GORASP2: variants seen among roughly 807,000 people sequenced by gnomAD.
The protein encoded by GORASP2 is Golgi reassembly-stacking protein 2.
GORASP2 carries 22 observed loss-of-function variants against 45.7 expected under a neutral mutation model. That is an observed-to-expected ratio of 0.48 (90% CI 0.34 to 0.69). The LOEUF (loss-of-function observed/expected upper bound fraction) is 0.69, where lower values mean the gene tolerates loss of function less well. Ranked by LOEUF, GORASP2 falls within the 30% of genes least tolerant of loss-of-function variation. GORASP2 has a pLI of 0.01. For missense variants in GORASP2, 491 were observed against 562.7 expected, an observed-to-expected ratio of 0.87 and a Z score of 1.29; for synonymous variants, 221 against 215.6, an observed-to-expected ratio of 1.02 and a Z score of -0.22.
chr2:170,961,711 C>T lies in GORASP2; in HGVS notation c.872C>T (p.Thr291Ile). ...CCACCACAAGTAAACCAGTCCCTCA[C>T]TTCTGTGCCACCAATGAATCCAGCT... ...LLPPQVNQSL[T>I]SVPPMNPATT... The change falls in exon 8 of 10, where the codon ACT becomes ATT. Residue 291 changes from threonine to isoleucine, a missense_variant. By Grantham distance (89) the Thr-to-Ile change is moderately conservative (BLOSUM62 -1). Around this residue, in one of 2 missense-constraint regions of GORASP2, gnomAD observed 297 missense variants for 292.3 expected, o/e 1.02. Coordinates refer to ENST00000234160, the MANE Select transcript of GORASP2 (RefSeq NM_015530.5). 2 of 1,601,296 alleles carry T rather than the reference C, an allele frequency of 1.2e-6. No individual in the cohort carries two copies. The highest frequency in any genetic ancestry group is 1.7e-6 in the Non-Finnish European group (2 of 1,168,200).
In GORASP2 at chr2:170,950,266, T is replaced by C; in HGVS notation, c.411T>C (p.Ile137=). 6.4e-7 allele frequency: 1 copy of C among 1,563,818 alleles called. No individual in the cohort carries two copies. Among genetic ancestry groups the C allele is most frequent in the Non-Finnish European group, 8.7e-7 (1 of 1,145,974 alleles). The change falls in exon 4 of 10, where the codon ATT becomes ATC. Residue 137 remains isoleucine, a synonymous_variant. Transcript: ENST00000234160. ...TTAGACCACACAGTGATTATATAAT[T>C]GGAGCAGATACAGTCATGAATGAGG... ...AGLRPHSDYI[I]GADTVMNESE... is the part of the protein sequence containing the mutation.
Position 170,965,323 on chromosome 2 carries a change from C to T in GORASP2, c.1019-467C>T, listed in dbSNP as rs115042799. Among the ~76,000 whole-genome samples, 806 of 152,276 alleles carry T rather than the reference C, an allele frequency of 5.3e-3. 7 individuals carry two copies. Among genetic ancestry groups the T allele is most frequent in the African/African-American group, 0.018 (762 of 41,554 alleles). ...CTCCTGGTGAGGACAGTGGAAAGGG[C>T]GAGAATCCAGGCCCCTCCCTTCTGC... On this transcript the variant is annotated intron_variant, in intron 9 of 9. Coordinates refer to ENST00000234160, the MANE Select transcript of GORASP2 (RefSeq NM_015530.5).
In GORASP2 at chr2:170,965,722, CCCT is replaced by C. The variant is rs1366855380; in HGVS notation, c.1019-67_1019-65del. ...CTTAATGAAATGTAAATAAAAATAG[CCCT>C]TTGACAATGCCTGCTGTCCTTTCAG... On this transcript the variant is annotated intron_variant, in intron 9 of 9. Transcript: ENST00000234160. 2.9e-6 allele frequency: 3 copies of C among 1,034,548 alleles called. No homozygotes were observed. The African/African-American group carries it at 4.7e-5, about 16-fold the overall frequency. The allele number at this position is 1,034,548 out of a possible 1,614,324, so 64.1% of individuals were successfully genotyped here.
chr2:170,939,197 T>C (rs867376335), intron 1 of GORASP2, among the ~76,000 whole-genome samples: 1 of 152,256 alleles, frequency 6.6e-6, no homozygotes, highest in South Asian at 2.1e-4. Context: ...TCTGGAAAAC[T>C]ATTATGCAAT....
intron 7 of GORASP2, among the ~76,000 whole-genome samples, chr2:170,961,433 G>T (rs1017543161): frequency 2.0e-5 from 3 of 152,192 alleles, no homozygotes; most frequent in African/African-American, 7.2e-5. Flanking sequence ...GGACTGCACG[G>T]CCTCTTGCCC....
chr2:170,943,321 A>G (rs1704117650), intron 1 of GORASP2, among the ~76,000 whole-genome samples: 2 of 152,192 alleles, frequency 1.3e-5, no homozygotes, highest in Non-Finnish European at 2.9e-5. Flanking sequence ...AAGGTATTTA[A>G]TATGGTTGTA....
At chr2:170,951,572 C>A in intron 5 of GORASP2, 114 bp downstream of exon 5, 3 of 858,412 alleles carry the variant, frequency 3.5e-6, no homozygotes, top group African/African-American at 1.7e-5. Flanking sequence ...TAAGACTCCT[C>A]TTAAAAAAAA....
chr2:170,935,867 C>T (rs1230646473), intron 1 of GORASP2, among the ~76,000 whole-genome samples: 2 of 152,106 alleles, frequency 1.3e-5, no homozygotes, highest in Admixed American at 1.3e-4. Flanking sequence ...TGAGCCACTG[C>T]GCCCGGCCTG....
chr2:170,956,957 A>T (rs1375081614), intron 7 of GORASP2, among the ~76,000 whole-genome samples: 1 of 152,214 alleles, frequency 6.6e-6, no homozygotes, highest in Non-Finnish European at 1.5e-5. Flanking sequence ...AAAAGAATTT[A>T]AAAAATTAAT....
chr2:170,935,446 G>C (rs568273672), intron 1 of GORASP2, among the ~76,000 whole-genome samples: 130 of 151,994 alleles, frequency 8.6e-4, no homozygotes, highest in Non-Finnish European at 1.3e-3. Flanking sequence ...GTAGAGACAG[G>C]GTTTCACCTT....
intron 7 of GORASP2, among the ~76,000 whole-genome samples, chr2:170,957,268 G>A (rs1319070180): frequency 2.0e-5 from 3 of 152,034 alleles, no homozygotes; most frequent in Admixed American, 1.3e-4. Context: ...ACATGTGCCT[G>A]TCTCCTTCCT....
At chr2:170,954,378 TTC>T in intron 5 of GORASP2, 1 of 320,866 alleles carries the variant, frequency 3.1e-6, no homozygotes, top group Non-Finnish European at 5.7e-6. Context: ...TGGTGATGAA[TTC>T]TTGAAAAATA....
In GORASP2 at chr2:170,962,839, G is replaced by T. The variant is rs1230431316; in HGVS notation, c.911G>T (p.Gly304Val). ...TTTTTCTTTTCTGCCTTCTCTTCAG[G>T]TCTGATGCCTTTACCAGCAGGACTG... ...PPMNPATTLPGLMPLPAGLPN... is the reference protein window; with the variant it reads ...PPMNPATTLPVLMPLPAGLPN... Residue 304 changes from glycine to valine, a missense_variant and splice_region_variant, in exon 9 of 10, where the codon GGT becomes GTT. Physicochemically the swap from Gly to Val is moderately radical, Grantham distance 109 (BLOSUM62 -3). Around this residue, in one of 2 missense-constraint regions of GORASP2, gnomAD observed 297 missense variants for 292.3 expected, o/e 1.02. Coordinates refer to ENST00000234160, the MANE Select transcript of GORASP2 (RefSeq NM_015530.5). 2 of 1,604,964 alleles carry T rather than the reference G, an allele frequency of 1.2e-6. No homozygotes were observed. Among genetic ancestry groups the T allele is most frequent in the East Asian group, 2.2e-5 (1 of 44,842 alleles).
Position 170,939,331 on chromosome 2 carries a change from G to A in GORASP2, c.64-9019G>A, listed in dbSNP as rs141264828. Among the ~76,000 whole-genome samples the A allele has an allele frequency of 3.5e-3, 531 of 152,326 alleles. 7 individuals are homozygous for A. Among genetic ancestry groups the A allele is most frequent in the African/African-American group, 0.012 (496 of 41,572 alleles). On this transcript the variant is annotated intron_variant, in intron 1 of 9. Coordinates refer to ENST00000234160, the MANE Select transcript of GORASP2 (RefSeq NM_015530.5). Reference sequence around the variant, plus strand: ...TTTGCTTTGTTTTGGAAGAACATGTGAAGACAATGTTTTAGCAGGTGAGGC... The same window carrying A: ...TTTGCTTTGTTTTGGAAGAACATGTAAAGACAATGTTTTAGCAGGTGAGGC...
intron 4 of GORASP2, among the ~76,000 whole-genome samples, chr2:170,950,569 C>T (rs1020097219): frequency 6.6e-6 from 1 of 152,168 alleles, no homozygotes; most frequent in African/African-American, 2.4e-5. Flanking sequence ...TTCTCATTTT[C>T]AATTGTTCAT....
chr2:170,944,632 C>T (rs1177051378), intron 1 of GORASP2, among the ~76,000 whole-genome samples: 2 of 152,052 alleles, frequency 1.3e-5, no homozygotes, highest in Admixed American at 1.3e-4. Flanking sequence ...AAAGTTTATA[C>T]TTTAAACTTT....
chr2:170,933,352 A>G (rs1285343584), intron 1 of GORASP2, among the ~76,000 whole-genome samples: 1 of 152,220 alleles, frequency 6.6e-6, no homozygotes. Flanking sequence ...CATGTGAACT[A>G]TGTTTAATAT....
At chr2:170,951,509 A>ACTGG in intron 5 of GORASP2, 51 bp downstream of exon 5, 1 of 1,370,832 alleles carries the variant, frequency 7.3e-7, no homozygotes, top group Non-Finnish European at 1.0e-6. Context: ...TACCAGTCAG[A>ACTGG]TATGTTGCAG....
At chr2:170,950,747 C>T (rs1415720496) in intron 4 of GORASP2, among the ~76,000 whole-genome samples, 1 of 152,064 alleles carries the variant, frequency 6.6e-6, no homozygotes, top group Admixed American at 6.6e-5. Context: ...TTTGGGAGGC[C>T]GAGATGGGAG....
Sources: gnomAD v4.1 joint callset for allele counts (sites outside exome capture counted in the v4.1 genomes callset) on GRCh38, gnomAD v4.1.1 for gene constraint, gnomAD v4.1.1 regional missense constraint, MANE v1.5 for transcripts, NCBI Gene and HGNC (gene_info 2026-07-23, HGNC 2026-07-21) for gene names.